Variants in SGCZ observed in about 807,000 individuals in gnomAD.
SGCZ encodes the protein sarcoglycan zeta.
Under a neutral mutation model 41.3 loss-of-function variants are expected in SGCZ, and 40 were observed. The observed-to-expected ratio is 0.97, with a 90% CI of 0.75 to 1.26. The LOEUF (loss-of-function observed/expected upper bound fraction) is 1.26, where lower values mean the gene tolerates loss of function less well. Ranked by LOEUF, SGCZ falls within the 50% of genes most tolerant of loss-of-function variation. SGCZ has a pLI of 0.00. For missense variants in SGCZ, 552 were observed against 369.8 expected, an observed-to-expected ratio of 1.49 and a Z score of -4.04; for synonymous variants, 206 against 137.5, an observed-to-expected ratio of 1.50 and a Z score of -3.49.
chr8:14,747,029 G>C (rs2130302170), intron 1 of SGCZ, among the ~76,000 whole-genome samples: 1 of 152,292 alleles, frequency 6.6e-6, no homozygotes, highest in Non-Finnish European at 1.5e-5. Flanking sequence ...ATTATGCACT[G>C]AATTTAATGC....
chr8:15,147,280 T>G (rs1799060220), intron 1 of SGCZ, among the ~76,000 whole-genome samples: 1 of 152,014 alleles, frequency 6.6e-6, no homozygotes, highest in Non-Finnish European at 1.5e-5. Flanking sequence ...GACATCGCTG[T>G]TTTGTTCTGT....
At chr8:14,730,749 C>A (rs1235568463) in intron 1 of SGCZ, among the ~76,000 whole-genome samples, 1 of 151,642 alleles carries the variant, frequency 6.6e-6, no homozygotes. Flanking sequence ...GTGCCTATCT[C>A]AACAAATCTA....
At chr8:14,476,293 C>CA in intron 2 of SGCZ, among the ~76,000 whole-genome samples, 1 of 152,150 alleles carries the variant, frequency 6.6e-6, no homozygotes, top group East Asian at 1.9e-4. Context: ...CCCAAGAGAA[C>CA]AAAAAGCAGA....
At chr8:14,200,688 C>G (rs1805426611) in intron 4 of SGCZ, among the ~76,000 whole-genome samples, 1 of 152,016 alleles carries the variant, frequency 6.6e-6, no homozygotes, top group South Asian at 2.1e-4. Context: ...AGATTATAAA[C>G]TAGAAGCCTC....
intron 1 of SGCZ, among the ~76,000 whole-genome samples, chr8:14,744,558 A>G (rs1398086109): frequency 6.6e-6 from 1 of 152,110 alleles, no homozygotes; most frequent in Non-Finnish European, 1.5e-5. Flanking sequence ...ATCTCTGTGG[A>G]AGGCTTGTTG....
chr8:14,453,710 G>T (rs755621617), intron 2 of SGCZ, among the ~76,000 whole-genome samples: 2 of 152,074 alleles, frequency 1.3e-5, no homozygotes, highest in Non-Finnish European at 2.9e-5. Flanking sequence ...TTTCAGTTTG[G>T]GCAAAAGCGA....
At chr8:14,279,380 T>A (rs1800344969) in intron 3 of SGCZ, among the ~76,000 whole-genome samples, 1 of 152,028 alleles carries the variant, frequency 6.6e-6, no homozygotes, top group Non-Finnish European at 1.5e-5. Flanking sequence ...ATATACTGCA[T>A]TTCAGGTTAT....
At chr8:14,600,724 T>C (rs911899477) in intron 1 of SGCZ, among the ~76,000 whole-genome samples, 5 of 152,206 alleles carry the variant, frequency 3.3e-5, no homozygotes, top group African/African-American at 9.6e-5. Context: ...AAAAAAAATA[T>C]ACACATGCAT....
At chr8:15,037,052 A>T (rs1403598753) in intron 1 of SGCZ, among the ~76,000 whole-genome samples, 1 of 152,210 alleles carries the variant, frequency 6.6e-6, no homozygotes, top group African/African-American at 2.4e-5. Context: ...TCATTTTATG[A>T]TACAAACTCT....
chr8:14,779,780 A>G (rs1800528187), intron 1 of SGCZ, among the ~76,000 whole-genome samples: 1 of 152,202 alleles, frequency 6.6e-6, no homozygotes, highest in South Asian at 2.1e-4. Context: ...GCATATAAAT[A>G]AATGAAAGTT....
At chr8:15,033,822 T>A (rs1030914795) in intron 1 of SGCZ, among the ~76,000 whole-genome samples, 4 of 152,144 alleles carry the variant, frequency 2.6e-5, no homozygotes, top group Middle Eastern at 3.4e-3. Flanking sequence ...AATCAACAGA[T>A]TGACTCCAGT....
At chr8:15,111,652 A>G (rs1738997264) in intron 1 of SGCZ, among the ~76,000 whole-genome samples, 1 of 152,168 alleles carries the variant, frequency 6.6e-6, no homozygotes, top group Admixed American at 6.5e-5. Context: ...CTGTAATCGC[A>G]GCACTTTGGG....
At chr8:14,230,763 T>TGG (rs199840948) in intron 4 of SGCZ, among the ~76,000 whole-genome samples, 4,192 of 125,626 alleles carry the variant, frequency 0.033, 110 homozygotes, top group Non-Finnish European at 0.057. Context: ...TTTTTGGTGG[T>TGG]GGTGGGGGGG....
At chr8:14,374,901 T>C (rs1440039421) in intron 2 of SGCZ, among the ~76,000 whole-genome samples, 1 of 152,060 alleles carries the variant, frequency 6.6e-6, no homozygotes, top group African/African-American at 2.4e-5. Flanking sequence ...AATTTCAGAA[T>C]GAGAGGGAGA....
chr8:14,567,940 G>A (rs1025140331), intron 1 of SGCZ, among the ~76,000 whole-genome samples: 1 of 152,200 alleles, frequency 6.6e-6, no homozygotes, highest in African/African-American at 2.4e-5. Flanking sequence ...CTCTGGACAT[G>A]CCGCTTTTAA....
chr8:14,107,475 T>C (rs750682390), intron 6 of SGCZ, among the ~76,000 whole-genome samples: 25 of 152,146 alleles, frequency 1.6e-4, no homozygotes, highest in Non-Finnish European at 2.2e-4. Context: ...CCAGTTAAGT[T>C]CTGCCTTTGT....
chr8:14,587,441 G>GCAGGAAT (rs1805096529), intron 1 of SGCZ, among the ~76,000 whole-genome samples: 1 of 151,802 alleles, frequency 6.6e-6, no homozygotes, highest in Non-Finnish European at 1.5e-5. Context: ...GGAGACGAAG[G>GCAGGAAT]CAGGAATATG....
At chr8:14,908,288 T>C (rs1379404122) in intron 1 of SGCZ, among the ~76,000 whole-genome samples, 1 of 152,188 alleles carries the variant, frequency 6.6e-6, no homozygotes, top group African/African-American at 2.4e-5. Flanking sequence ...GGTATGGTCC[T>C]TGTTTTGAAA....
chr8:15,169,988 A>T (rs2117060472), intron 1 of SGCZ, among the ~76,000 whole-genome samples: 1 of 152,346 alleles, frequency 6.6e-6, no homozygotes, highest in Admixed American at 6.5e-5. Context: ...GCAGCCAAGT[A>T]TTTAAATCTT....
Sources: allele counts gnomAD v4.1 joint callset (sites outside exome capture counted in the v4.1 genomes callset), GRCh38; gene constraint gnomAD v4.1.1; transcripts MANE v1.5; gene names NCBI Gene and HGNC (gene_info 2026-07-23, HGNC 2026-07-21).